CELF2: variants seen among roughly 807,000 people sequenced by gnomAD.
CELF2 encodes CUGBP Elav-like family member 2.
Under a neutral mutation model 62.6 loss-of-function variants are expected in CELF2, and 8 were observed. That is an observed-to-expected ratio of 0.13 (90% CI 0.07 to 0.23). The LOEUF is 0.23. CELF2 is among the 10% of genes least tolerant of loss of function. The pLI, the probability that CELF2 is intolerant of heterozygous loss-of-function variation, is 1.00. For synonymous variants in CELF2, 258 were observed against 250.0 expected (o/e 1.03, Z -0.30); for missense variants, 333 against 671.0 (o/e 0.50, Z 5.56).
the CELF2 span, among the ~76,000 whole-genome samples, chr10:10,775,586 G>A: frequency 0.17 from 25,967 of 150,816 alleles, 2,712 homozygotes; most frequent in African/African-American, 0.29. Context: ...AGATGGTGCC[G>A]CTGCATGACA....
At chr10:11,073,455 T>A (rs778228752) in intron 1 of CELF2, among the ~76,000 whole-genome samples, 4 of 152,204 alleles carry the variant, frequency 2.6e-5, no homozygotes, top group East Asian at 3.8e-4. Context: ...TTAGCAATAG[T>A]CACAGCAACA....
the CELF2 span, among the ~76,000 whole-genome samples, chr10:10,464,576 T>A: frequency 6.6e-6 from 1 of 152,198 alleles, no homozygotes; most frequent in East Asian, 1.9e-4. Context: ...TGAAAATTTT[T>A]CCTTCTGGCT....
intron 1 of CELF2, among the ~76,000 whole-genome samples, chr10:10,855,542 T>G (rs938779272): frequency 6.6e-6 from 1 of 152,208 alleles, no homozygotes; most frequent in Non-Finnish European, 1.5e-5. Context: ...CTACACAGAT[T>G]GTGACTTTAA....
intron 1 of CELF2, among the ~76,000 whole-genome samples, chr10:11,084,176 A>C (rs773736999): frequency 6.6e-6 from 1 of 152,230 alleles, no homozygotes. Context: ...CAAGAAGTAA[A>C]ATAATTCAAT....
At chr10:10,604,919 G>T in the CELF2 span, among the ~76,000 whole-genome samples, 1 of 151,900 alleles carries the variant, frequency 6.6e-6, no homozygotes, top group Non-Finnish European at 1.5e-5. Context: ...TCCCATTACT[G>T]GGTACATACC....
chr10:11,165,703 G>A lies in CELF2; in HGVS notation c.271+21G>A, dbSNP rs759890642. ...TAAAGGTACAGAGCGCGGGGCGGGG[G>A]TCGCCAGGCGTCCAGGTGGGCGTCG... On this transcript the variant is annotated intron_variant, in intron 2 of 12. Coordinates refer to ENST00000633077, the MANE Select transcript of CELF2 (RefSeq NM_001326342.2). This position sits in a 1 kb window ranked among gnomAD's most constrained non-coding sequence, Gnocchi z 7.4. 3.6e-5 allele frequency: 58 copies of A among 1,593,420 alleles called. No individual in the cohort carries two copies. The highest frequency in any genetic ancestry group is 4.6e-5 in the Non-Finnish European group (54 of 1,170,186).
At chr10:10,589,193 C>G in the CELF2 span, among the ~76,000 whole-genome samples, 1 of 152,172 alleles carries the variant, frequency 6.6e-6, no homozygotes, top group Admixed American at 6.5e-5. Flanking sequence ...CAAAGATTTT[C>G]CGCTGGGCAA....
rs184684162 is a variant in CELF2, at chr10:10,841,550, T to C, written c.53+42733T>C. On this transcript the variant is annotated intron_variant, in intron 1 of 13. Coordinates refer to the CELF2 transcript ENST00000636488. ...CCCATTGAATTGCCTTTGCATCTTT[T>C]TTTTTTTTAATCTATGGCCTATATT... 2.6e-3 allele frequency among the ~76,000 whole-genome samples: 395 copies of C among 152,088 alleles called. 2 individuals carry two copies. The highest frequency in any genetic ancestry group is 2.9e-3 in the Non-Finnish European group (200 of 67,928).
At chr10:10,509,959 T>C in the CELF2 span, among the ~76,000 whole-genome samples, 1 of 152,156 alleles carries the variant, frequency 6.6e-6, no homozygotes, top group African/African-American at 2.4e-5. Flanking sequence ...TGAACTTGAA[T>C]TGTGCTCTTT....
chr10:11,059,454 T>C (rs1408723771), intron 1 of CELF2, among the ~76,000 whole-genome samples: 4 of 152,172 alleles, frequency 2.6e-5, no homozygotes. Context: ...ATGGGCCCTT[T>C]TCTCACCATG....
intron 2 of CELF2, among the ~76,000 whole-genome samples, chr10:11,197,645 C>T (rs567313956): frequency 3.9e-5 from 6 of 152,340 alleles, no homozygotes; most frequent in South Asian, 2.1e-4. Context: ...CCGCCTGATC[C>T]GCTGAACAGA....
In CELF2 at chr10:11,332,877, A is replaced by G. The variant is rs1163684501; in HGVS notation, c.*3824A>G. On this transcript the variant is annotated 3_prime_UTR_variant, in exon 13 of 13. Coordinates refer to ENST00000633077, the MANE Select transcript of CELF2 (RefSeq NM_001326342.2). ...CTTCATCCTCTGAGGGCTATTTTGTACTTTCTGCAGCAATCAGCTTAATAA... is the reference window on the plus strand; with the variant it reads ...CTTCATCCTCTGAGGGCTATTTTGTGCTTTCTGCAGCAATCAGCTTAATAA... 1.3e-5 allele frequency: 2 copies of G among 152,558 alleles called. No homozygotes were observed. The highest frequency in any genetic ancestry group is 2.9e-5 in the Non-Finnish European group (2 of 68,034). 9.5% of individuals were successfully genotyped at this position (152,558 alleles called of 1,614,324 possible). A position where few individuals can be genotyped will look rare whatever the true frequency, so the allele number is the denominator to read the frequency against.
intron 1 of CELF2, among the ~76,000 whole-genome samples, chr10:11,025,900 A>G (rs1261402945): frequency 6.6e-6 from 1 of 151,990 alleles, no homozygotes; most frequent in African/African-American, 2.4e-5. Flanking sequence ...AGACAACCTC[A>G]CTCTGGCAGT....
intron 4 of CELF2, among the ~76,000 whole-genome samples, chr10:11,257,336 C>CAAAAAAAA (rs61363639): frequency 1.7e-4 from 20 of 114,698 alleles, no homozygotes; most frequent in South Asian, 3.0e-4. Flanking sequence ...AGACCATCTA[C>CAAAAAAAA]AAAAAAAAAA....
At chr10:11,109,983 A>C (rs1049179836) in intron 1 of CELF2, among the ~76,000 whole-genome samples, 2 of 152,152 alleles carry the variant, frequency 1.3e-5, no homozygotes, top group African/African-American at 2.4e-5. Flanking sequence ...CCTGGGCTGG[A>C]AGCGGTGGCT....
At chr10:10,595,747 TTAGCCAGGTATGA>T in the CELF2 span, among the ~76,000 whole-genome samples, 1 of 152,000 alleles carries the variant, frequency 6.6e-6, no homozygotes, top group East Asian at 1.9e-4. Context: ...AATACAAAAA[TTAGCCAGGTATGA>T]TAGCATGCAC....
At chr10:11,213,782 T>C (rs2062557772) in intron 2 of CELF2, among the ~76,000 whole-genome samples, 1 of 152,208 alleles carries the variant, frequency 6.6e-6, no homozygotes, top group South Asian at 2.1e-4. Flanking sequence ...TCTGTATTCA[T>C]CCTGCAAATT....
At chr10:11,026,140 G>T (rs1412654376) in intron 1 of CELF2, among the ~76,000 whole-genome samples, 1 of 152,136 alleles carries the variant, frequency 6.6e-6, no homozygotes, top group African/African-American at 2.4e-5. Flanking sequence ...AGACACATAC[G>T]GTCCTCCGCG....
At chr10:11,115,542 G>T (rs2056369385) in intron 1 of CELF2, among the ~76,000 whole-genome samples, 1 of 152,188 alleles carries the variant, frequency 6.6e-6, no homozygotes, top group Non-Finnish European at 1.5e-5. Context: ...AGACCTACTT[G>T]TCCCTTTAGC....
Sources: allele counts gnomAD v4.1 joint callset (sites outside exome capture counted in the v4.1 genomes callset), GRCh38; gene constraint gnomAD v4.1.1; non-coding constraint Gnocchi (gnomAD v3.1); transcripts MANE v1.5; gene names NCBI Gene and HGNC (gene_info 2026-07-23, HGNC 2026-07-21).